Variants in CFAP43 observed in about 807,000 individuals in gnomAD.
CFAP43 encodes cilia and flagella associated protein 43.
CFAP43 carries 155 observed loss-of-function variants against 218.9 expected under a neutral mutation model. The observed-to-expected ratio is 0.71, with a 90% CI of 0.62 to 0.81. CFAP43 has a LOEUF of 0.81. Ranked by LOEUF, CFAP43 falls within the 30% of genes least tolerant of loss-of-function variation. CFAP43 has a pLI of 0.00. For synonymous variants in CFAP43, 645 were observed against 681.3 expected (o/e 0.95, Z 0.83); for missense variants, 1,778 against 1,954.3 (o/e 0.91, Z 1.70).
At chr10:104,139,230 A>G (rs568874632) in intron 34 of CFAP43, among the ~76,000 whole-genome samples, 7 of 152,360 alleles carry the variant, frequency 4.6e-5, no homozygotes, top group Admixed American at 4.6e-4. Context: ...AGAGATGTGG[A>G]ACAGTATCAG....
At chr10:104,160,958 C>T in intron 27 of CFAP43, 79 bp downstream of exon 27, 2 of 1,387,768 alleles carry the variant, frequency 1.4e-6, no homozygotes, top group Non-Finnish European at 2.0e-6. Context: ...AAGATATCGA[C>T]AAAGTAGAAA....
Position 104,145,499 on chromosome 10 carries a change from G to T in CFAP43, c.3921C>A (p.Tyr1307Ter), listed in dbSNP as rs1326325722. The change falls in exon 31 of 38, where the codon TAC becomes TAA. Residue 1307 changes from tyrosine to a stop codon, truncating the protein, a stop_gained. Transcript: ENST00000357060. LOFTEE classifies it high-confidence loss of function. ...ACCTTGGTCGGCGTTTAAAAAGTTT[G>T]TAGAGTATATCCACTTGATGACCAG... ...EIPGHQVDILYKLFKRRPRIS... is the reference protein window; with the variant it reads ...EIPGHQVDIL 6.2e-7 allele frequency: 1 copy of T among 1,602,382 alleles called. No homozygotes were observed. Among genetic ancestry groups the T allele is most frequent in the South Asian group, 1.1e-5 (1 of 89,914 alleles).
At position 104,212,128 on chromosome 10, in the gene CFAP43, G is replaced by T; in HGVS notation, c.614C>A (p.Ser205Ter). 6.2e-7 allele frequency: 1 copy of T among 1,613,862 alleles called. No individual in the cohort carries two copies. Among genetic ancestry groups the T allele is most frequent in the Non-Finnish European group, 8.5e-7 (1 of 1,179,898 alleles). Residue 205 changes from serine to a stop codon, truncating the protein, a stop_gained, in exon 5 of 38, where the codon TCA becomes TAA. Transcript: ENST00000357060. LOFTEE classifies it high-confidence loss of function. ...RSVKLPLEDG[S>*]FFNETDVVFP... ...AACGACATCCGTTTCATTAAAAAATGACCCATCTTCTAGAGGTAATTTCAC... is the reference window on the plus strand; with the variant it reads ...AACGACATCCGTTTCATTAAAAAATTACCCATCTTCTAGAGGTAATTTCAC...
intron 3 of CFAP43, among the ~76,000 whole-genome samples, chr10:104,223,429 A>G (rs2091233615): frequency 6.6e-6 from 1 of 152,242 alleles, no homozygotes; most frequent in Non-Finnish European, 1.5e-5. Context: ...TAGAAAAACC[A>G]TATTTAGGAG....
intron 3 of CFAP43, among the ~76,000 whole-genome samples, chr10:104,221,970 C>G (rs2091193685): frequency 6.6e-6 from 1 of 152,118 alleles, no homozygotes; most frequent in Non-Finnish European, 1.5e-5. Flanking sequence ...ACCCCACCAG[C>G]CTGGGACTAT....
rs150217121 is a variant in CFAP43, at chr10:104,173,662, C to A, written c.2461-1127G>T. On this transcript the variant is annotated intron_variant, in intron 19 of 37. Coordinates refer to ENST00000357060, the MANE Select transcript of CFAP43 (RefSeq NM_025145.7). ...GTGGCTAGAAAGAATAGAGAACCACCCCCACCACACAATGGGATGCCAAGA... is the reference window on the plus strand; with the variant it reads ...GTGGCTAGAAAGAATAGAGAACCACACCCACCACACAATGGGATGCCAAGA... 5.7e-3 allele frequency among the ~76,000 whole-genome samples: 871 copies of A among 152,274 alleles called. 5 individuals are homozygous for A. Among genetic ancestry groups the A allele is most frequent in the African/African-American group, 0.02 (814 of 41,556 alleles).
At chr10:104,216,198 A>G (rs1022467495) in intron 3 of CFAP43, among the ~76,000 whole-genome samples, 2 of 152,108 alleles carry the variant, frequency 1.3e-5, no homozygotes, top group Non-Finnish European at 1.5e-5. Flanking sequence ...CCACCATTCC[A>G]TTGACATAGC....
At chr10:104,190,708 C>T (rs573822316) in intron 12 of CFAP43, among the ~76,000 whole-genome samples, 2 of 152,324 alleles carry the variant, frequency 1.3e-5, no homozygotes, top group Admixed American at 1.3e-4. Context: ...GGAGTCATCA[C>T]TTATCCCTTC....
intron 7 of CFAP43, among the ~76,000 whole-genome samples, chr10:104,204,336 G>A (rs1299484337): frequency 6.6e-6 from 1 of 152,178 alleles, no homozygotes; most frequent in Non-Finnish European, 1.5e-5. Flanking sequence ...TGGTTGGTTG[G>A]CTGGTTGTGA....
intron 34 of CFAP43, among the ~76,000 whole-genome samples, chr10:104,140,537 G>A (rs2087658096): frequency 6.6e-6 from 1 of 152,208 alleles, no homozygotes; most frequent in Admixed American, 6.5e-5. Context: ...AGGTGCAGTG[G>A]CTCCTGCCTG....
Position 104,174,830 on chromosome 10 carries a change from C to T in CFAP43, c.2461-2295G>A, listed in dbSNP as rs374271861. On this transcript the variant is annotated intron_variant, in intron 19 of 37. Transcript: ENST00000357060. ...CAGCACTTTGGGAGGCCGAGGTGGG[C>T]GCATCATGAGGTCAGGAGATTGAGA... Among the ~76,000 whole-genome samples the T allele has an allele frequency of 2.2e-4, 31 of 143,204 alleles. No homozygotes were observed. In the East Asian group the frequency reaches 4.2e-3, roughly 19 times the overall value. 93.9% of individuals were successfully genotyped at this position (143,204 alleles called of 152,430 possible). A position where few individuals can be genotyped will look rare whatever the true frequency, so the allele number is the denominator to read the frequency against.
chr10:104,205,333 A>C (rs1191244260), intron 7 of CFAP43, among the ~76,000 whole-genome samples: 1 of 152,012 alleles, frequency 6.6e-6, no homozygotes, highest in Non-Finnish European at 1.5e-5. Context: ...AGTTTGATAC[A>C]CCTATGTTCA....
chr10:104,149,267 T>C (rs2088132112), intron 28 of CFAP43, among the ~76,000 whole-genome samples: 1 of 152,222 alleles, frequency 6.6e-6, no homozygotes, highest in African/African-American at 2.4e-5. Flanking sequence ...TATCATCTGA[T>C]TGTCTTTCTT....
Position 104,172,511 on chromosome 10 carries a change from C to T in CFAP43, c.2485G>A (p.Asp829Asn), listed in dbSNP as rs2089453275. 6.2e-7 allele frequency: 1 copy of T among 1,604,034 alleles called. No homozygotes were observed. The highest frequency in any genetic ancestry group is 1.3e-5 in the African/African-American group (1 of 74,528). Reference protein sequence around the residue: ...KTILNMMEENDKLENIAKLDQ... With the variant: ...KTILNMMEENNKLENIAKLDQ... Reference sequence around the variant, plus strand: ...AATTTTGCAATATTTTCTAGTTTGTCATTTTCTTCCATCATATTCAGAATC... The same window carrying T: ...AATTTTGCAATATTTTCTAGTTTGTTATTTTCTTCCATCATATTCAGAATC... Residue 829 changes from aspartate to asparagine, a missense_variant, in exon 20 of 38, where the codon GAC (aspartate) becomes AAC (asparagine). By Grantham distance (23) the Asp-to-Asn change is conservative. This residue lies in a region of CFAP43 where 1,553 missense variants were observed against 1,685.2 expected (regional missense o/e 0.92). Transcript: ENST00000357060.
At chr10:104,174,608 G>A (rs557215590) in intron 19 of CFAP43, among the ~76,000 whole-genome samples, 64 of 151,906 alleles carry the variant, frequency 4.2e-4, no homozygotes, top group African/African-American at 1.5e-3. Flanking sequence ...TCACAAAAAC[G>A]GTATAAACTA....
rs991798351 is a variant in CFAP43, at chr10:104,166,859, T to C, written c.2809-141A>G. On this transcript the variant is annotated intron_variant, in intron 22 of 37. Transcript: ENST00000357060. ...CAACAACTGAATTCGAAGTGATGAA[T>C]AGATCCCAGAACTGCTGCAGAAGAG... is the stretch of plus-strand genomic sequence containing the variant. 4 of 698,712 alleles carry C rather than the reference T, an allele frequency of 5.7e-6. No individual in the cohort carries two copies. In the African/African-American group the frequency reaches 7.2e-5, roughly 13 times the overall value. The allele number at this position is 698,712 out of a possible 1,614,324, so 43.3% of individuals were successfully genotyped here. A position where few individuals can be genotyped will look rare whatever the true frequency, so the allele number is the denominator to read the frequency against.
chr10:104,230,729 T>A lies in CFAP43; in HGVS notation c.180A>T (p.Val60=). ...FINIETKKKT[V]LQCSNGIVGV... Reference sequence around the variant, plus strand: ...CCACAATTCCATTACTACACTGCAGTACAGTCTTTTTCTTGGTTTCAATAT... The same window carrying A: ...CCACAATTCCATTACTACACTGCAGAACAGTCTTTTTCTTGGTTTCAATAT... The change falls in exon 2 of 38, where the codon GTA becomes GTT. Residue 60 remains valine (V), a synonymous_variant. Coordinates refer to ENST00000357060, the MANE Select transcript of CFAP43 (RefSeq NM_025145.7). 6.2e-7 allele frequency: 1 copy of A among 1,613,888 alleles called. No homozygotes were observed. Among genetic ancestry groups the A allele is most frequent in the Non-Finnish European group, 8.5e-7 (1 of 1,179,890 alleles).
intron 19 of CFAP43, among the ~76,000 whole-genome samples, chr10:104,175,178 T>C (rs927333709): frequency 2.0e-5 from 3 of 152,226 alleles, no homozygotes; most frequent in Non-Finnish European, 4.4e-5. Flanking sequence ...CTCATGCCTG[T>C]AATCCCAGCA....
At chr10:104,184,884 T>G in intron 16 of CFAP43, 132 bp downstream of exon 16, 51 of 1,389,204 alleles carry the variant, frequency 3.7e-5, no homozygotes, top group Middle Eastern at 2.6e-4. Context: ...TTGGGATCTG[T>G]GAGTATAACA....
Sources: gnomAD v4.1 joint callset for allele counts (sites outside exome capture counted in the v4.1 genomes callset) on GRCh38, gnomAD v4.1.1 for gene constraint, gnomAD v4.1.1 regional missense constraint, MANE v1.5 for transcripts, NCBI Gene and HGNC (gene_info 2026-07-23, HGNC 2026-07-21) for gene names.